CSMD2: variants seen among roughly 807,000 people sequenced by gnomAD.
CSMD2 encodes CUB and sushi domain-containing protein 2.
Under a neutral mutation model 398.5 loss-of-function variants are expected in CSMD2, and 130 were observed. The observed-to-expected ratio is 0.33, with a 90% CI of 0.28 to 0.38. The LOEUF is 0.38. Ranked by LOEUF, CSMD2 falls within the 10% of genes least tolerant of loss-of-function variation. CSMD2 has a pLI of 1.00. For missense variants in CSMD2, 3,829 were observed against 4,764.9 expected (o/e 0.80, Z 5.78); for synonymous variants, 1,828 against 1,908.5 (o/e 0.96, Z 1.10).
intron 57 of CSMD2, among the ~76,000 whole-genome samples, chr1:33,544,102 C>CTT (rs57678063): frequency 1.4e-3 from 122 of 89,322 alleles, no homozygotes; most frequent in Non-Finnish European, 1.6e-3. Context: ...CCATATTTGT[C>CTT]TTTTTTTTTT....
chr1:33,905,310 G>A (rs1007311577), intron 5 of CSMD2, among the ~76,000 whole-genome samples: 4 of 152,180 alleles, frequency 2.6e-5, no homozygotes, highest in African/African-American at 9.7e-5. Flanking sequence ...ACAGAGAGTG[G>A]ACGTTGGAAG....
intron 3 of CSMD2, among the ~76,000 whole-genome samples, chr1:34,018,365 A>C (rs997413027): frequency 1.3e-5 from 2 of 152,234 alleles, no homozygotes; most frequent in African/African-American, 4.8e-5. Context: ...TTTCATGCAT[A>C]TAACTTTCTT....
At chr1:33,570,419 C>A (rs1659493878) in intron 51 of CSMD2, among the ~76,000 whole-genome samples, 1 of 151,656 alleles carries the variant, frequency 6.6e-6, no homozygotes, top group Non-Finnish European at 1.5e-5. Flanking sequence ...AGTGATCCAC[C>A]CACTTCAGCC....
rs1212265858 is a variant in CSMD2 at position 33,635,352 on chromosome 1, G to C, written c.4970-22C>G. 6.9e-7 allele frequency: 1 copy of C among 1,444,240 alleles called. No homozygotes were observed. The highest frequency in any genetic ancestry group is 1.7e-5 in the Admixed American group (1 of 59,198). 89.5% of individuals were successfully genotyped at this position (1,444,240 alleles called of 1,614,324 possible). On this transcript the variant is annotated intron_variant, in intron 30 of 70. Coordinates refer to ENST00000373381, the MANE Select transcript of CSMD2 (RefSeq NM_001281956.2). The surrounding 1 kb of genome is among the most constrained non-coding windows in gnomAD (Gnocchi z 5.0). ...GGGGCTGAAAGAGAAACCAGATAGA[G>C]AGTCAGGTGACCTTGTGGGCCTCTT... is the stretch of plus-strand genomic sequence containing the variant.
chr1:33,599,029 C>T (rs775850807), intron 44 of CSMD2: 15 of 152,246 alleles, frequency 9.9e-5, no homozygotes, highest in Non-Finnish European at 1.8e-4. Context: ...CATGAGGGCT[C>T]TGTTGTCTGA....
chr1:33,956,205 A>G (rs896879422), intron 3 of CSMD2, among the ~76,000 whole-genome samples: 1 of 140,908 alleles, frequency 7.1e-6, no homozygotes, highest in Non-Finnish European at 1.5e-5. Context: ...AACTTAAAGT[A>G]TTAAAAAAAA....
chr1:33,557,872 G>A lies in CSMD2; in HGVS notation c.8605C>T (p.His2869Tyr), dbSNP rs990635698. 201 of 1,536,060 alleles carry A rather than the reference G, an allele frequency of 1.3e-4. No individual in the cohort carries two copies. Among genetic ancestry groups the A allele is most frequent in the Non-Finnish European group, 1.6e-4 (189 of 1,146,932 alleles). Reference sequence around the variant, plus strand: ...CTGAACCTGTGCGGGCCGCTGGCGTGGACCTGACGAACACTATTTTCTTGG... The same window carrying A: ...CTGAACCTGTGCGGGCCGCTGGCGTAGACCTGACGAACACTATTTTCTTGG... Reference protein sequence around the residue: ...GHQENSVRQVHASGPHRFSFG... With the variant: ...GHQENSVRQVYASGPHRFSFG... The change falls in exon 55 of 71, where the codon CAC becomes TAC. Residue 2869 changes from histidine to tyrosine, a missense_variant. His to Tyr is a moderately conservative substitution (Grantham distance 83). Around this residue, in one of 5 missense-constraint regions of CSMD2, gnomAD observed 917 missense variants for 1,199.5 expected, o/e 0.76. Coordinates refer to ENST00000373381, the MANE Select transcript of CSMD2 (RefSeq NM_001281956.2).
At chr1:33,628,091 G>A (rs1231261163) in intron 32 of CSMD2, among the ~76,000 whole-genome samples, 1 of 152,204 alleles carries the variant, frequency 6.6e-6, no homozygotes, top group Admixed American at 6.5e-5. Flanking sequence ...TGGTTGTCAT[G>A]AGATTAAATC....
intron 4 of CSMD2, among the ~76,000 whole-genome samples, chr1:33,935,013 T>TAAAAAA (rs537683892): frequency 2.4e-4 from 10 of 42,312 alleles, no homozygotes; most frequent in South Asian, 6.7e-4. Flanking sequence ...CAAATAAAAT[T>TAAAAAA]AAAAAAAAAA....
intron 62 of CSMD2, among the ~76,000 whole-genome samples, chr1:33,534,809 C>G (rs1655611168): frequency 6.6e-6 from 1 of 152,202 alleles, no homozygotes; most frequent in Admixed American, 6.5e-5. Flanking sequence ...TAAAAAACCT[C>G]AAGTCATCTT....
At chr1:34,165,400 C>T (rs1641798063), upstream of CSMD2, 2 of 915,278 alleles carry the variant, frequency 2.2e-6, no homozygotes, top group South Asian at 3.4e-5. Flanking sequence ...GGTGGAGGCG[C>T]AGCTAAGGAT....
chr1:34,120,015 A>T (rs1662006430), intron 1 of CSMD2, among the ~76,000 whole-genome samples: 1 of 152,238 alleles, frequency 6.6e-6, no homozygotes, highest in African/African-American at 2.4e-5. Flanking sequence ...AGGTAGAAAC[A>T]ACCTAAATGT....
At position 33,546,285 on chromosome 1, in the gene CSMD2, G is replaced by A; in HGVS notation, c.8918-66C>T. 9.3e-6 allele frequency: 14 copies of A among 1,506,150 alleles called. No individual in the cohort carries two copies. In the South Asian group the frequency reaches 1.5e-4, roughly 16 times the overall value. The allele number at this position is 1,506,150 out of a possible 1,614,324, so 93.3% of individuals were successfully genotyped here. A position where few individuals can be genotyped will look rare whatever the true frequency, so the allele number is the denominator to read the frequency against. On this transcript the variant is annotated intron_variant, in intron 56 of 70. Transcript: ENST00000373381. ...AAGAAAAGGGAGTGGAGAAGCAGGG[G>A]AGAAAGATACTGGGATGGGACTAAG...
In CSMD2 at chr1:33,714,839, G is replaced by C. The variant is rs1646113888; in HGVS notation, c.3218-64C>G. On this transcript the variant is annotated intron_variant, in intron 20 of 70. Coordinates refer to ENST00000373381, the MANE Select transcript of CSMD2 (RefSeq NM_001281956.2). The stretch of plus-strand genomic sequence containing the variant: ...CGGGGAGACACAAAGCAAAAAGATG[G>C]GAACGCACAGGCAAAACACCAGGGG... 3.3e-6 allele frequency: 5 copies of C among 1,523,196 alleles called. No homozygotes were observed. The Admixed American group carries it at 8.7e-5, about 26-fold the overall frequency. 94.4% of individuals were successfully genotyped at this position (1,523,196 alleles called of 1,614,324 possible).
chr1:33,946,854 C>T (rs1234292724), intron 3 of CSMD2, among the ~76,000 whole-genome samples: 2 of 151,560 alleles, frequency 1.3e-5, no homozygotes, highest in Non-Finnish European at 2.9e-5. Context: ...AGGCTGGTCT[C>T]CAATTCCTGA....
At chr1:33,698,480 G>C (rs1645495835) in intron 24 of CSMD2, among the ~76,000 whole-genome samples, 1 of 152,136 alleles carries the variant, frequency 6.6e-6, no homozygotes, top group South Asian at 2.1e-4. Context: ...TTACAATTTT[G>C]AGGGCATGAC....
At chr1:33,858,625 C>T (rs376023385) in intron 5 of CSMD2, among the ~76,000 whole-genome samples, 2 of 152,194 alleles carry the variant, frequency 1.3e-5, no homozygotes, top group Non-Finnish European at 2.9e-5. Context: ...GTTCCTGGCA[C>T]GAGGTCAGTG....
chr1:34,078,744 C>A (rs942906717), intron 2 of CSMD2, among the ~76,000 whole-genome samples: 1 of 152,174 alleles, frequency 6.6e-6, no homozygotes, highest in African/African-American at 2.4e-5. Context: ...CTCTATCTAC[C>A]AGACAAGTGA....
Position 33,620,735 on chromosome 1 carries a change from T to C in CSMD2, c.5827+1432A>G, listed in dbSNP as rs573677563. Among the ~76,000 whole-genome samples the C allele has an allele frequency of 2.4e-4, 37 of 151,220 alleles. No individual in the cohort carries two copies. The South Asian group carries it at 5.5e-3, about 22-fold the overall frequency. On this transcript the variant is annotated intron_variant, in intron 37 of 70. Transcript: ENST00000373381. Reference sequence around the variant, plus strand: ...CCAGGGGAGTGAAGCCTTACATATCTGCTGGAAGGAGTCTCAGAGGTCCCT... The same window carrying C: ...CCAGGGGAGTGAAGCCTTACATATCCGCTGGAAGGAGTCTCAGAGGTCCCT...
Sources: gnomAD v4.1 joint callset for allele counts (sites outside exome capture counted in the v4.1 genomes callset) on GRCh38, gnomAD v4.1.1 for gene constraint, gnomAD v4.1.1 regional missense constraint, Gnocchi (gnomAD v3.1) non-coding constraint, MANE v1.5 for transcripts, NCBI Gene and HGNC (gene_info 2026-07-23, HGNC 2026-07-21) for gene names.